PFDN1: variants seen among roughly 807,000 people sequenced by gnomAD.
PFDN1 encodes the protein prefoldin subunit 1.
PFDN1 carries 6 observed loss-of-function variants against 17.3 expected under a neutral mutation model. The ratio of observed to expected loss-of-function variants is 0.35; its 90% CI spans 0.19 to 0.69. PFDN1 has a LOEUF of 0.69. Among genes scored for constraint, PFDN1 ranks in the 30% least tolerant of loss-of-function variants. The pLI, the probability that PFDN1 is intolerant of heterozygous loss-of-function variation, is 0.65. For missense variants in PFDN1, 113 were observed against 146.2 expected (o/e 0.77, Z 1.17); for synonymous variants, 58 against 50.1 (o/e 1.16, Z -0.67).
At chr5:140,295,940 C>T (rs540182480) in intron 2 of PFDN1, among the ~76,000 whole-genome samples, 19 of 151,858 alleles carry the variant, frequency 1.3e-4, no homozygotes, top group Admixed American at 2.0e-4. Flanking sequence ...CATAAAATAG[C>T]CTTTATTCTC....
intron 3 of PFDN1, among the ~76,000 whole-genome samples, chr5:140,252,627 T>C (rs954622796): frequency 6.6e-6 from 1 of 152,118 alleles, no homozygotes; most frequent in Non-Finnish European, 1.5e-5. Context: ...GGCAGATCTG[T>C]AAAATGGTCA....
At chr5:140,288,626 A>G (rs964879937) in intron 2 of PFDN1, among the ~76,000 whole-genome samples, 2 of 152,180 alleles carry the variant, frequency 1.3e-5, no homozygotes, top group African/African-American at 4.8e-5. Context: ...AGAGAGTGGA[A>G]AGGGAGTGAG....
At chr5:140,271,398 A>G (rs1380319563) in intron 3 of PFDN1, among the ~76,000 whole-genome samples, 2 of 152,240 alleles carry the variant, frequency 1.3e-5, no homozygotes, top group Admixed American at 6.5e-5. Flanking sequence ...TATATGCACA[A>G]TAAGAGAAAT....
chr5:140,262,006 CAGAG>C (rs1765072149), intron 3 of PFDN1, among the ~76,000 whole-genome samples: 2 of 152,116 alleles, frequency 1.3e-5, no homozygotes, highest in South Asian at 2.1e-4. Context: ...CTGGGGTAAA[CAGAG>C]AGAATTTAAT....
chr5:140,266,265 C>T (rs1440908149), intron 3 of PFDN1, among the ~76,000 whole-genome samples: 1 of 152,182 alleles, frequency 6.6e-6, no homozygotes, highest in Non-Finnish European at 1.5e-5. Context: ...GTCTGATCAC[C>T]TCCACTGTCA....
chr5:140,300,725 T>C, intron 1 of PFDN1, 143 bp from the exon 2 acceptor site: 1 of 590,522 alleles, frequency 1.7e-6, no homozygotes, highest in South Asian at 2.3e-5. Context: ...TCAACATAAC[T>C]GTAAACAATC....
At chr5:140,280,014 C>CCAAAAAAAA (rs1335205089) in intron 3 of PFDN1, among the ~76,000 whole-genome samples, 12 of 99,108 alleles carry the variant, frequency 1.2e-4, no homozygotes, top group African/African-American at 4.5e-4. Flanking sequence ...AAAAAAAAAA[C>CCAAAAAAAA]AAAAAAAGAA....
At chr5:140,273,901 G>A in intron 3 of PFDN1, 1 of 984,894 alleles carries the variant, frequency 1.0e-6, no homozygotes, top group Non-Finnish European at 1.2e-6. Flanking sequence ...TTAGGTTGAA[G>A]GCTGACTTTA....
At position 140,254,278 on chromosome 5, in the gene PFDN1, T is replaced by C. The variant is rs971998192; in HGVS notation, c.286-8221A>G. Among the ~76,000 whole-genome samples the C allele has an allele frequency of 2.6e-5, 4 of 152,114 alleles. No individual in the cohort carries two copies. Among genetic ancestry groups the C allele is most frequent in the African/African-American group, 9.7e-5 (4 of 41,412 alleles). ...CTTAAAAAGATGGGGCTTTAAAGGG[T>C]AGGACTGAGTCCAGCAGTTAGAGAT... On this transcript the variant is annotated intron_variant, in intron 3 of 3. Coordinates refer to ENST00000261813, the MANE Select transcript of PFDN1 (RefSeq NM_002622.5). This position sits in a 1 kb window ranked among gnomAD's most constrained non-coding sequence, Gnocchi z 4.4.
chr5:140,248,093 G>A (rs1210113166), intron 3 of PFDN1, among the ~76,000 whole-genome samples: 1 of 146,468 alleles, frequency 6.8e-6, no homozygotes, highest in Non-Finnish European at 1.5e-5. Context: ...TTTTGAGACG[G>A]AATCTCGCAC....
At chr5:140,286,176 C>T (rs57294361) in intron 2 of PFDN1, among the ~76,000 whole-genome samples, 26,935 of 151,450 alleles carry the variant, frequency 0.18, 2,726 homozygotes, top group South Asian at 0.24. Context: ...TTTAGGAGGC[C>T]GAGGTGGGTG....
intron 3 of PFDN1, among the ~76,000 whole-genome samples, chr5:140,261,839 G>C (rs982843437): frequency 5.3e-5 from 8 of 152,014 alleles, no homozygotes; most frequent in Non-Finnish European, 8.8e-5. Flanking sequence ...GGTGTTCTGA[G>C]GGGTATTGAG....
intron 2 of PFDN1, among the ~76,000 whole-genome samples, chr5:140,299,573 G>A (rs1454673518): frequency 1.3e-5 from 2 of 148,818 alleles, no homozygotes; most frequent in African/African-American, 5.0e-5. Flanking sequence ...CTCTAGCCTG[G>A]CAACAGAGCG....
In PFDN1 at chr5:140,245,625, G is replaced by C; in HGVS notation, c.*349C>G. The C allele has an allele frequency of 1.4e-6, 1 of 699,786 alleles. No individual in the cohort carries two copies. The highest frequency in any genetic ancestry group is 2.7e-5 in the East Asian group (1 of 37,272). 43.3% of individuals were successfully genotyped at this position (699,786 alleles called of 1,614,324 possible). On this transcript the variant is annotated 3_prime_UTR_variant, in exon 4 of 4. Transcript: ENST00000261813. ...TCCATCCCTCTGCTCAAGAAAACCA[G>C]GCTTAGCAGAGTGGGACAGACGCTT...
chr5:140,246,063 A>G lies in PFDN1; in HGVS notation c.286-6T>C. ...TCCAGGTAGGACTTTTTCTGCTGCA[A>G]TATGAGAGACAGACAAAGGTTAGGA... On this transcript the variant is annotated splice_polypyrimidine_tract_variant and splice_region_variant and intron_variant, in intron 3 of 3. Coordinates refer to ENST00000261813, the MANE Select transcript of PFDN1 (RefSeq NM_002622.5). The G allele has an allele frequency of 6.5e-7, 1 of 1,533,548 alleles. No homozygotes were observed. The highest frequency in any genetic ancestry group is 2.4e-5 in the East Asian group (1 of 41,540). The allele number at this position is 1,533,548 out of a possible 1,614,324, so 95.0% of individuals were successfully genotyped here.
intron 1 of PFDN1, 75 bp from the exon 2 acceptor site, chr5:140,300,657 A>G: frequency 1.0e-6 from 1 of 958,140 alleles, no homozygotes; most frequent in Non-Finnish European, 1.6e-6. Flanking sequence ...CAAATATATT[A>G]AAACAAAATA....
intron 3 of PFDN1, among the ~76,000 whole-genome samples, chr5:140,255,785 T>C (rs551390020): frequency 6.6e-6 from 1 of 152,314 alleles, no homozygotes; most frequent in Admixed American, 6.5e-5. Context: ...TCCTTCTTGG[T>C]GAGGCAAACC....
chr5:140,289,415 G>C (rs1765547094), intron 2 of PFDN1, among the ~76,000 whole-genome samples: 1 of 152,166 alleles, frequency 6.6e-6, no homozygotes, highest in Non-Finnish European at 1.5e-5. Flanking sequence ...GCAATCTACA[G>C]ATCACTGTAT....
intron 2 of PFDN1, among the ~76,000 whole-genome samples, chr5:140,284,510 T>C (rs574951828): frequency 1.3e-5 from 2 of 152,236 alleles, no homozygotes; most frequent in Non-Finnish European, 2.9e-5. Context: ...TCAGATACTA[T>C]GTGAAGAGAA....
Sources: allele counts gnomAD v4.1 joint callset (sites outside exome capture counted in the v4.1 genomes callset), GRCh38; gene constraint gnomAD v4.1.1; non-coding constraint Gnocchi (gnomAD v3.1); transcripts MANE v1.5; gene names NCBI Gene and HGNC (gene_info 2026-07-23, HGNC 2026-07-21).